DENND2C: variants seen among roughly 807,000 people sequenced by gnomAD.
The protein encoded by DENND2C is DENN domain containing 2C, also known as DENN domain-containing protein 2C.
A neutral mutation model predicts 112.4 loss-of-function variants in DENND2C; 72 were observed. The observed-to-expected ratio is 0.64, with a 90% CI of 0.53 to 0.78. DENND2C has a LOEUF of 0.78. DENND2C is among the 30% of genes least tolerant of loss of function. The pLI, the probability that DENND2C is intolerant of heterozygous loss-of-function variation, is 0.00. For synonymous variants in DENND2C, 329 were observed against 381.6 expected, an observed-to-expected ratio of 0.86 and a Z score of 1.61; for missense variants, 992 against 1,113.8, an observed-to-expected ratio of 0.89 and a Z score of 1.56.
rs1453459354 is a variant in DENND2C at position 114,582,866 on chromosome 1, AT to A, written c.*2733del. On this transcript the variant is annotated 3_prime_UTR_variant, in exon 21 of 21. Transcript: ENST00000393274. Reference sequence around the variant, plus strand: ...CAAGGGATCTGTGGGGGGTTTATGTATTTATTCATTAAAAGATCTGTAAACA... The same window carrying A: ...CAAGGGATCTGTGGGGGGTTTATGTATTATTCATTAAAAGATCTGTAAACA... The A allele has an allele frequency of 1.3e-5, 2 of 152,226 alleles. No homozygotes were observed. The highest frequency in any genetic ancestry group is 2.4e-5 in the African/African-American group (1 of 41,464). 9.4% of individuals were successfully genotyped at this position (152,226 alleles called of 1,614,324 possible). A position where few individuals can be genotyped will look rare whatever the true frequency, so the allele number is the denominator to read the frequency against.
At chr1:114,634,642 A>AT (rs896657990) in intron 3 of DENND2C, among the ~76,000 whole-genome samples, 3 of 152,230 alleles carry the variant, frequency 2.0e-5, no homozygotes, top group Non-Finnish European at 4.4e-5. Flanking sequence ...TAACAAAAAG[A>AT]TATCTGGAAA....
chr1:114,659,371 C>T (rs1380904798), intron 1 of DENND2C, among the ~76,000 whole-genome samples: 1 of 152,036 alleles, frequency 6.6e-6, no homozygotes, highest in African/African-American at 2.4e-5. Context: ...GCATGGTGGC[C>T]GGCACCTGTA....
At chr1:114,600,707 T>G (rs1655476318) in intron 14 of DENND2C, 113 bp downstream of exon 14, 1 of 1,328,048 alleles carries the variant, frequency 7.5e-7, no homozygotes. Context: ...TAAAACATAT[T>G]CTTTACAGTT....
chr1:114,638,762 CAAAA>C (rs35740017), intron 3 of DENND2C, among the ~76,000 whole-genome samples: 10 of 84,152 alleles, frequency 1.2e-4, no homozygotes, highest in Non-Finnish European at 1.8e-4. Context: ...GACCTTGTCT[CAAAA>C]AAAAAAAAAA....
At chr1:114,607,440 T>C (rs554414210) in intron 10 of DENND2C, among the ~76,000 whole-genome samples, 3 of 152,308 alleles carry the variant, frequency 2.0e-5, no homozygotes, top group African/African-American at 7.2e-5. Flanking sequence ...GTTGGCAGTC[T>C]TTCCAGTTTC....
At position 114,623,378 on chromosome 1, in the gene DENND2C, C is replaced by T. The variant is rs567697455; in HGVS notation, c.943+129G>A. 6.5e-5 allele frequency: 57 copies of T among 877,906 alleles called. 1 individual carries two copies. The Middle Eastern group carries it at 7.8e-4, about 12-fold the overall frequency. The allele number at this position is 877,906 out of a possible 1,614,324, so 54.4% of individuals were successfully genotyped here. A position where few individuals can be genotyped will look rare whatever the true frequency, so the allele number is the denominator to read the frequency against. ...AGAATAAAATAATTTATACACCAAA[C>T]GTTTCCATGCTAAAGAGAAAAACCT... On this transcript the variant is annotated intron_variant, in intron 5 of 20. Coordinates refer to ENST00000393274, the MANE Select transcript of DENND2C (RefSeq NM_001256404.2).
chr1:114,652,717 C>A (rs373860830), intron 2 of DENND2C, among the ~76,000 whole-genome samples: 48 of 139,126 alleles, frequency 3.5e-4, no homozygotes, highest in Middle Eastern at 4.0e-3. Context: ...ATTGCCCAAC[C>A]TGAAGTGTAG....
At chr1:114,605,907 A>G (rs1341446431) in intron 10 of DENND2C, among the ~76,000 whole-genome samples, 1 of 152,222 alleles carries the variant, frequency 6.6e-6, no homozygotes, top group East Asian at 1.9e-4. Context: ...GTAAAATTTT[A>G]GCATAGAAGA....
chr1:114,634,782 C>G (rs1471629061), intron 3 of DENND2C, among the ~76,000 whole-genome samples: 1 of 151,976 alleles, frequency 6.6e-6, no homozygotes, highest in Non-Finnish European at 1.5e-5. Flanking sequence ...AATCCCAGCA[C>G]TTTGGGAGGC....
At chr1:114,645,963 G>A (rs1468617785) in intron 2 of DENND2C, among the ~76,000 whole-genome samples, 1 of 150,428 alleles carries the variant, frequency 6.6e-6, no homozygotes, top group African/African-American at 2.5e-5. Context: ...GTCTCGCTCT[G>A]TCGCCCAGGC....
intron 3 of DENND2C, among the ~76,000 whole-genome samples, chr1:114,634,281 T>C (rs1005527333): frequency 2.6e-5 from 4 of 152,196 alleles, no homozygotes; most frequent in Admixed American, 1.3e-4. Flanking sequence ...CTTGACTTAA[T>C]TGACATTTTA....
intron 8 of DENND2C, among the ~76,000 whole-genome samples, chr1:114,616,501 A>G (rs1401930629): frequency 1.3e-5 from 2 of 152,186 alleles, no homozygotes; most frequent in Admixed American, 6.5e-5. Context: ...CTTATAAACA[A>G]AAACTGCTAA....
chr1:114,587,643 T>C (rs1655075741), intron 19 of DENND2C, 73 bp downstream of exon 19: 1 of 1,456,710 alleles, frequency 6.9e-7, no homozygotes, highest in Non-Finnish European at 9.3e-7. Flanking sequence ...TACAATACTT[T>C]TTATTCATAA....
chr1:114,642,252 ATAAAATTAAGCAGG>A (rs1656860654), intron 3 of DENND2C, among the ~76,000 whole-genome samples: 1 of 152,172 alleles, frequency 6.6e-6, no homozygotes, highest in African/African-American at 2.4e-5. Context: ...CGCCCAGCTA[ATAAAATTAAGCAGG>A]TAAATATTTC....
At chr1:114,646,888 G>C (rs1456135726) in intron 2 of DENND2C, among the ~76,000 whole-genome samples, 1 of 152,026 alleles carries the variant, frequency 6.6e-6, no homozygotes, top group Non-Finnish European at 1.5e-5. Context: ...GGGCAGGCAC[G>C]GTAGCTCATG....
chr1:114,635,617 C>A (rs945963217), intron 3 of DENND2C, among the ~76,000 whole-genome samples: 1 of 152,108 alleles, frequency 6.6e-6, no homozygotes, highest in Admixed American at 6.6e-5. Flanking sequence ...TTTATGAGAC[C>A]AGCATTACCT....
intron 3 of DENND2C, among the ~76,000 whole-genome samples, chr1:114,640,668 A>C (rs1428029298): frequency 6.6e-6 from 1 of 152,246 alleles, no homozygotes; most frequent in Non-Finnish European, 1.5e-5. Flanking sequence ...GAATCTTTAA[A>C]GAAAATAGTC....
At chr1:114,599,967 T>C (rs1055488131) in intron 15 of DENND2C, among the ~76,000 whole-genome samples, 1 of 53,504 alleles carries the variant, frequency 1.9e-5, no homozygotes, top group African/African-American at 6.8e-5. Context: ...GGGCCTGTCG[T>C]GGGGTGGGGG....
chr1:114,663,276 A>G (rs1333257416), intron 1 of DENND2C, among the ~76,000 whole-genome samples: 1 of 152,212 alleles, frequency 6.6e-6, no homozygotes, highest in East Asian at 1.9e-4. Context: ...CCAGGTTTCA[A>G]TGTCCCCACT....
Sources: allele counts gnomAD v4.1 joint callset (sites outside exome capture counted in the v4.1 genomes callset), GRCh38; gene constraint gnomAD v4.1.1; transcripts MANE v1.5; gene names NCBI Gene and HGNC (gene_info 2026-07-23, HGNC 2026-07-21).